The following TMCC1 variants were observed in gnomAD, a reference collection of about 807,000 sequenced individuals.
TMCC1 encodes transmembrane and coiled-coil domain family 1.
Under a neutral mutation model 52.4 loss-of-function variants are expected in TMCC1, and 15 were observed. That is an observed-to-expected ratio of 0.29 (90% CI 0.19 to 0.44). The LOEUF (loss-of-function observed/expected upper bound fraction) is 0.44, where lower values mean the gene tolerates loss of function less well. TMCC1 is among the 20% of genes least tolerant of loss of function. The pLI is 1.00. For synonymous variants in TMCC1, 279 were observed against 301.9 expected (o/e 0.92, Z 0.79); for missense variants, 503 against 806.0 (o/e 0.62, Z 4.55).
At position 129,763,214 on chromosome 3, in the gene TMCC1, ATAAATAAAT is replaced by A. The variant is rs1425766379; in HGVS notation, c.576+64580_576+64588del. Among the ~76,000 whole-genome samples, 19 of 103,582 alleles carry A rather than the reference ATAAATAAAT, an allele frequency of 1.8e-4. 1 individual carries two copies. Among genetic ancestry groups the A allele is most frequent in the Non-Finnish European group, 3.2e-4 (16 of 50,398 alleles). The allele number at this position is 103,582 out of a possible 152,430, so 68.0% of individuals were successfully genotyped here. A position where few individuals can be genotyped will look rare whatever the true frequency, so the allele number is the denominator to read the frequency against. ...CTCTGTCTCAAAAAATAAAAAATAA[ATAAATAAAT>A]AAATAAATAAATAAATAAATAAATA... On this transcript the variant is annotated intron_variant, in intron 4 of 6. Transcript: ENST00000393238.
At chr3:129,870,535 C>T (rs1397794434) in intron 2 of TMCC1, among the ~76,000 whole-genome samples, 3 of 151,368 alleles carry the variant, frequency 2.0e-5, no homozygotes, top group African/African-American at 7.3e-5. Context: ...GTCAGGAGAT[C>T]GAGATCATCC....
intron 4 of TMCC1, among the ~76,000 whole-genome samples, chr3:129,733,683 T>C (rs531796424): frequency 6.6e-6 from 1 of 152,324 alleles, no homozygotes; most frequent in South Asian, 2.1e-4. Context: ...GTTTTAGTTT[T>C]GCGGTCTTGA....
At chr3:129,654,927 C>A (rs775424065) in intron 6 of TMCC1, 41 bp downstream of exon 6, 2 of 1,591,812 alleles carry the variant, frequency 1.3e-6, no homozygotes, top group Non-Finnish European at 1.7e-6. Context: ...TCTTTCTAAC[C>A]CTACTGTATT....
chr3:129,866,268 A>G (rs1188821253), intron 2 of TMCC1, among the ~76,000 whole-genome samples: 1 of 146,272 alleles, frequency 6.8e-6, no homozygotes, highest in Non-Finnish European at 1.5e-5. Context: ...TATTATACAT[A>G]TATAATATAT....
At chr3:129,708,126 C>T (rs1473519027) in intron 4 of TMCC1, among the ~76,000 whole-genome samples, 1 of 152,038 alleles carries the variant, frequency 6.6e-6, no homozygotes, top group Non-Finnish European at 1.5e-5. Context: ...AACAAATGTT[C>T]TTTAGTATCT....
At chr3:129,679,466 T>C (rs1195213941) in intron 4 of TMCC1, among the ~76,000 whole-genome samples, 13 of 152,114 alleles carry the variant, frequency 8.5e-5, no homozygotes. Flanking sequence ...CCACCACGCC[T>C]GGCTAATTTT....
chr3:129,685,722 A>G (rs1039690306), intron 4 of TMCC1, among the ~76,000 whole-genome samples: 1 of 152,250 alleles, frequency 6.6e-6, no homozygotes, highest in Non-Finnish European at 1.5e-5. Context: ...TAAGAGCAGT[A>G]CGATCTCCTT....
rs548210817 is a variant in TMCC1, at chr3:129,785,944, T to TC, written c.576+41858_576+41859insG. 1.4e-3 allele frequency among the ~76,000 whole-genome samples: 207 copies of TC among 150,892 alleles called. 7 individuals carry two copies. The South Asian group carries it at 0.043, about 31-fold the overall frequency. ...CTTACCCTCACCCCCTTTTTTTTTT[T>TC]TTTTTTTTAAGACAGAGTCTTGCTT... On this transcript the variant is annotated intron_variant, in intron 4 of 6. Coordinates refer to ENST00000393238, the MANE Select transcript of TMCC1 (RefSeq NM_001017395.5).
At chr3:129,764,405 C>G (rs1047173205) in intron 4 of TMCC1, among the ~76,000 whole-genome samples, 14 of 152,162 alleles carry the variant, frequency 9.2e-5, no homozygotes, top group Non-Finnish European at 1.9e-4. Flanking sequence ...ATAGTCCATA[C>G]AAGGCCATAA....
intron 2 of TMCC1, among the ~76,000 whole-genome samples, chr3:129,868,635 C>T (rs1449874730): frequency 1.3e-5 from 2 of 152,170 alleles, no homozygotes; most frequent in Non-Finnish European, 2.9e-5. Flanking sequence ...GACGGGGTTT[C>T]ACCATGTTGG....
At chr3:129,772,860 C>T (rs1021613231) in intron 4 of TMCC1, among the ~76,000 whole-genome samples, 1 of 151,908 alleles carries the variant, frequency 6.6e-6, no homozygotes, top group South Asian at 2.1e-4. Flanking sequence ...CTCACCTAAC[C>T]GATTGACAAA....
intron 4 of TMCC1, among the ~76,000 whole-genome samples, chr3:129,722,500 C>T (rs75282939): frequency 0.029 from 4,370 of 152,212 alleles, 90 homozygotes; most frequent in Non-Finnish European, 0.046. Flanking sequence ...CACTCACTCA[C>T]TCAGGTACTA....
At chr3:129,777,445 T>C (rs1247381625) in intron 4 of TMCC1, among the ~76,000 whole-genome samples, 1 of 152,172 alleles carries the variant, frequency 6.6e-6, no homozygotes, top group African/African-American at 2.4e-5. Context: ...AGAGGTAACA[T>C]CTCAAGGTCT....
chr3:129,659,094 CTT>C (rs902362203), intron 5 of TMCC1, among the ~76,000 whole-genome samples: 74 of 129,960 alleles, frequency 5.7e-4, no homozygotes, highest in Non-Finnish European at 8.9e-4. Flanking sequence ...TTCTTTCTTT[CTT>C]TTTTTTTTTT....
At chr3:129,790,982 C>T (rs1398775540) in intron 4 of TMCC1, among the ~76,000 whole-genome samples, 1 of 151,950 alleles carries the variant, frequency 6.6e-6, no homozygotes, top group Non-Finnish European at 1.5e-5. Flanking sequence ...AAGGGCTGCT[C>T]TAAGGAAGTT....
chr3:129,869,970 T>C (rs898071654), intron 2 of TMCC1, among the ~76,000 whole-genome samples: 1 of 152,242 alleles, frequency 6.6e-6, no homozygotes, highest in Admixed American at 6.5e-5. Flanking sequence ...AGTTATGAAC[T>C]AAAGCTAGTT....
chr3:129,726,868 CAAAAAAAAAAAAA>C (rs550398948), intron 4 of TMCC1, among the ~76,000 whole-genome samples: 730 of 12,844 alleles, frequency 0.057, 32 homozygotes, highest in South Asian at 0.17. Context: ...GACTCTGTCT[CAAAAAAAAAAAAA>C]AAAAAAAAAA....
intron 2 of TMCC1, chr3:129,847,880 G>A (rs2107890530): frequency 6.6e-6 from 1 of 152,288 alleles, no homozygotes; most frequent in East Asian, 1.9e-4. Flanking sequence ...GTATGCAGTG[G>A]TATCTCATTA....
intron 6 of TMCC1, among the ~76,000 whole-genome samples, chr3:129,652,676 C>A (rs6439189): frequency 0.022 from 3,277 of 152,292 alleles, 111 homozygotes; most frequent in African/African-American, 0.071. Context: ...ACATGACAGA[C>A]AACAGACTCC....
Sources: allele counts gnomAD v4.1 joint callset (sites outside exome capture counted in the v4.1 genomes callset), GRCh38; gene constraint gnomAD v4.1.1; transcripts MANE v1.5; gene names NCBI Gene and HGNC (gene_info 2026-07-23, HGNC 2026-07-21).